NTMT1: variants seen among roughly 807,000 people sequenced by gnomAD.
NTMT1 encodes N-terminal Xaa-Pro-Lys N-methyltransferase 1.
Under a neutral mutation model 17.5 loss-of-function variants are expected in NTMT1, and 8 were observed. That is an observed-to-expected ratio of 0.46 (90% CI 0.27 to 0.82). The LOEUF (loss-of-function observed/expected upper bound fraction) is 0.82. Ranked by LOEUF, NTMT1 falls within the 40% of genes least tolerant of loss-of-function variation. The pLI is 0.15. For synonymous variants in NTMT1, 128 were observed against 126.8 expected, an observed-to-expected ratio of 1.01 and a Z score of -0.06; for missense variants, 221 against 303.5, an observed-to-expected ratio of 0.73 and a Z score of 2.02.
intron 1 of NTMT1, among the ~76,000 whole-genome samples, chr9:129,632,143 G>A (rs985360227): frequency 1.3e-5 from 2 of 151,126 alleles, no homozygotes; most frequent in African/African-American, 4.9e-5. Context: ...GTGTCATATA[G>A]AGCATATCAA....
At chr9:129,619,808 T>C in intron 1 of NTMT1, 2 of 1,613,914 alleles carry the variant, frequency 1.2e-6, no homozygotes, top group South Asian at 2.2e-5. Flanking sequence ...ATACACCCCT[T>C]TGATGTTGCG....
rs769527587 is a variant in NTMT1, at chr9:129,613,299, C to T, written c.-55+4121C>T. The T allele has an allele frequency of 3.2e-6, 5 of 1,569,756 alleles. No homozygotes were observed. The African/African-American group carries it at 5.4e-5, about 17-fold the overall frequency. On this transcript the variant is annotated intron_variant, in intron 1 of 3. Transcript: ENST00000372486. The surrounding 1 kb of genome is among the most constrained non-coding windows in gnomAD (Gnocchi z 6.2). ...AGCTTCCTGGACTCTGAGTCCCCGG[C>T]CCACCCATGGCTGGCAGGGCCCTTG...
intron 1 of NTMT1, chr9:129,615,343 C>T (rs896728775): frequency 9.2e-5 from 86 of 930,298 alleles, no homozygotes; most frequent in Non-Finnish European, 1.2e-4. Flanking sequence ...GAGGCCAGTT[C>T]AGGCACATCC....
In NTMT1 at chr9:129,620,472, G is replaced by T; in HGVS notation, c.-55+11294G>T. The T allele has an allele frequency of 7.3e-7, 1 of 1,370,198 alleles. No individual in the cohort carries two copies. The highest frequency in any genetic ancestry group is 9.5e-7 in the Non-Finnish European group (1 of 1,056,590). The allele number at this position is 1,370,198 out of a possible 1,614,324, so 84.9% of individuals were successfully genotyped here. On this transcript the variant is annotated intron_variant, in intron 1 of 3. Transcript: ENST00000372486. The surrounding 1 kb of genome is among the most constrained non-coding windows in gnomAD (Gnocchi z 5.8). The stretch of plus-strand genomic sequence containing the variant: ...GCCGCTCGGAGCGCGGGCGGGGTCA[G>T]CTTGGGCAGCCGCGGGTCGCTGCTG...
At chr9:129,615,562 G>T in intron 1 of NTMT1, 2 of 1,609,678 alleles carry the variant, frequency 1.2e-6, no homozygotes, top group South Asian at 1.1e-5. Context: ...AAAGGGCAAC[G>T]CTGCCTGCAG....
Position 129,620,678 on chromosome 9 carries a change from G to C in NTMT1, c.-55+11500G>C. 1.9e-6 allele frequency: 2 copies of C among 1,060,550 alleles called. No individual in the cohort carries two copies. The highest frequency in any genetic ancestry group is 2.4e-6 in the Non-Finnish European group (2 of 831,542). The allele number at this position is 1,060,550 out of a possible 1,614,324, so 65.7% of individuals were successfully genotyped here. A position where few individuals can be genotyped will look rare whatever the true frequency, so the allele number is the denominator to read the frequency against. ...CCAGCCCCAGGCCATAGTGCCCCGG[G>C]CGGGGCAGCGCGGTGCGGGGTGAAC... is the stretch of plus-strand genomic sequence containing the variant. On this transcript the variant is annotated intron_variant, in intron 1 of 3. Transcript: ENST00000372486. The surrounding 1 kb of genome is among the most constrained non-coding windows in gnomAD (Gnocchi z 5.8).
chr9:129,635,645 G>C lies in NTMT1; in HGVS notation c.*181G>C, dbSNP rs1422513585. The C allele has an allele frequency of 4.0e-6, 3 of 754,308 alleles. No individual in the cohort carries two copies. The highest frequency in any genetic ancestry group is 6.5e-6 in the Non-Finnish European group (3 of 464,898). The allele number at this position is 754,308 out of a possible 1,614,324, so 46.7% of individuals were successfully genotyped here. ...AAGGCAAGGTGGGACCCGGCGGGGA[G>C]GGTGCTGCTGAACCAGCGGTGAGGC... is the stretch of plus-strand genomic sequence containing the variant. On this transcript the variant is annotated 3_prime_UTR_variant, in exon 4 of 4. Transcript: ENST00000372483.
At chr9:129,628,977 G>A (rs911229978) in intron 1 of NTMT1, among the ~76,000 whole-genome samples, 1 of 152,198 alleles carries the variant, frequency 6.6e-6, no homozygotes, top group Admixed American at 6.5e-5. Context: ...GTGTGGAAGA[G>A]TAGTAGTTCG....
upstream of NTMT1, among the ~76,000 whole-genome samples, chr9:129,621,952 C>T (rs959577098): frequency 1.6e-4 from 25 of 152,308 alleles, no homozygotes; most frequent in African/African-American, 5.1e-4. Context: ...GCCTCTGGGC[C>T]GCTTCAGGGT....
rs1312314091 is a variant in NTMT1, at chr9:129,635,623, G to A, written c.*159G>A. On this transcript the variant is annotated 3_prime_UTR_variant, in exon 4 of 4. Coordinates refer to ENST00000372483, the MANE Select transcript of NTMT1 (RefSeq NM_014064.4). ...CATTATGCGGGCTCTTCTTCAAAAGGCAAGGTGGGACCCGGCGGGGAGGGT... is the reference window on the plus strand; with the variant it reads ...CATTATGCGGGCTCTTCTTCAAAAGACAAGGTGGGACCCGGCGGGGAGGGT... The A allele has an allele frequency of 2.1e-6, 2 of 934,840 alleles. No homozygotes were observed. The highest frequency in any genetic ancestry group is 1.6e-5 in the South Asian group (1 of 61,330). The allele number at this position is 934,840 out of a possible 1,614,324, so 57.9% of individuals were successfully genotyped here.
rs1328735964 is a variant in NTMT1, at chr9:129,620,571, A to T, written c.-55+11393A>T. On this transcript the variant is annotated intron_variant, in intron 1 of 3. Transcript: ENST00000372486. The surrounding 1 kb of genome is among the most constrained non-coding windows in gnomAD (Gnocchi z 5.8). ...GCCCCTGGGCGAAGTCGACGCCAGA[A>T]CATGCTTGGCCCCGCACTCAGCTCA... 1.5e-6 allele frequency: 2 copies of T among 1,366,868 alleles called. No homozygotes were observed. The highest frequency in any genetic ancestry group is 1.9e-6 in the Non-Finnish European group (2 of 1,058,336). The allele number at this position is 1,366,868 out of a possible 1,614,324, so 84.7% of individuals were successfully genotyped here.
upstream of NTMT1, among the ~76,000 whole-genome samples, chr9:129,622,854 C>T (rs1225178366): frequency 1.3e-5 from 2 of 152,024 alleles, no homozygotes; most frequent in South Asian, 4.2e-4. Flanking sequence ...ATGGTGAAAC[C>T]CCGTCTCTAC....
chr9:129,634,016 A>G, intron 2 of NTMT1, 38 bp from the exon 3 acceptor site: 13 of 1,592,076 alleles, frequency 8.2e-6, no homozygotes, highest in Non-Finnish European at 1.1e-5. Flanking sequence ...GTGCGGTGAC[A>G]GGGTCCCTCT....
chr9:129,626,611 A>C (rs1830910584), intron 1 of NTMT1: 1 of 152,246 alleles, frequency 6.6e-6, no homozygotes, highest in South Asian at 2.1e-4. Context: ...TTCCCTTCCG[A>C]GAAACAGGGA....
upstream of NTMT1, among the ~76,000 whole-genome samples, chr9:129,622,314 G>A (rs901730046): frequency 1.1e-4 from 17 of 152,268 alleles, no homozygotes; most frequent in African/African-American, 4.1e-4. Flanking sequence ...CCAACATGGT[G>A]AAACCTCGTC....
rs1830664044 is a variant in NTMT1 at position 129,620,751 on chromosome 9, A to C, written c.-55+11573A>C. ...AGTGGCTTCAGGCGAGAGCTCCCAGAGCCTCTGTTTCCTCACCTGAAAAAT... is the reference window on the plus strand; with the variant it reads ...AGTGGCTTCAGGCGAGAGCTCCCAGCGCCTCTGTTTCCTCACCTGAAAAAT... On this transcript the variant is annotated intron_variant, in intron 1 of 3. Transcript: ENST00000372486. The surrounding 1 kb of genome is among the most constrained non-coding windows in gnomAD (Gnocchi z 5.8). The C allele has an allele frequency of 2.0e-6, 1 of 503,556 alleles. No individual in the cohort carries two copies. The highest frequency in any genetic ancestry group is 3.1e-6 in the Non-Finnish European group (1 of 323,780). 31.2% of individuals were successfully genotyped at this position (503,556 alleles called of 1,614,324 possible).
intron 1 of NTMT1, among the ~76,000 whole-genome samples, chr9:129,611,134 G>A (rs879705015): frequency 4.6e-5 from 7 of 152,108 alleles, no homozygotes; most frequent in Non-Finnish European, 8.8e-5. Flanking sequence ...CGGCCCTAAG[G>A]ACCCCCACCA....
chr9:129,632,778 C>G lies in NTMT1; in HGVS notation c.75C>G (p.Pro25=), dbSNP rs1337098788. The change falls in exon 2 of 4, where the codon CCC becomes CCG. Residue 25 remains proline (P), a synonymous_variant. Transcript: ENST00000372483. ...AGACCTACTGGAAACAAATCCCACCCACGGTGGACGGCATGCTTGGGGGGT... is the reference window on the plus strand; with the variant it reads ...AGACCTACTGGAAACAAATCCCACCGACGGTGGACGGCATGCTTGGGGGGT... ...KAKTYWKQIP[P]TVDGMLGGYG... The G allele has an allele frequency of 6.2e-7, 1 of 1,614,066 alleles. No homozygotes were observed. Among genetic ancestry groups the G allele is most frequent in the East Asian group, 2.2e-5 (1 of 44,898 alleles).
rs149726952 is a variant in NTMT1, at chr9:129,635,311, C to T, written c.519C>T (p.Gly173=). The T allele has an allele frequency of 1.1e-5, 17 of 1,613,668 alleles. No individual in the cohort carries two copies. Among genetic ancestry groups the T allele is most frequent in the African/African-American group, 1.3e-5 (1 of 74,940 alleles). ...TCAAAGACAACATGGCCCAGGAGGGCGTGATTCTGGACGACGTGGACAGCA... is the reference window on the plus strand; with the variant it reads ...TCAAAGACAACATGGCCCAGGAGGGTGTGATTCTGGACGACGTGGACAGCA... ...IVIKDNMAQE[G]VILDDVDSSV... is the part of the protein sequence containing the mutation. The change falls in exon 4 of 4, where the codon GGC becomes GGT. Residue 173 remains glycine, a synonymous_variant. Transcript: ENST00000372483.
Sources: gnomAD v4.1 joint callset for allele counts (sites outside exome capture counted in the v4.1 genomes callset) on GRCh38, gnomAD v4.1.1 for gene constraint, Gnocchi (gnomAD v3.1) non-coding constraint, MANE v1.5 for transcripts, NCBI Gene and HGNC (gene_info 2026-07-23, HGNC 2026-07-21) for gene names.